The following CENPW variants were observed in gnomAD, a reference collection of about 807,000 sequenced individuals.
CENPW encodes centromere protein W, also known as cancer-up-regulated gene 2 protein.
Under a neutral mutation model 11.1 loss-of-function variants are expected in CENPW, and 3 were observed. The ratio of observed to expected loss-of-function variants is 0.27; its 90% CI spans 0.12 to 0.70. The LOEUF (loss-of-function observed/expected upper bound fraction) is 0.70. CENPW is among the 30% of genes least tolerant of loss of function. The probability of loss-of-function intolerance (pLI) is 0.77; values close to 1 mark genes in which losing one functional copy is unlikely to be tolerated. For synonymous variants in CENPW, 38 were observed against 42.0 expected, an observed-to-expected ratio of 0.91 and a Z score of 0.37; for missense variants, 100 against 105.6, an observed-to-expected ratio of 0.95 and a Z score of 0.23.
chr6:126,361,006 A>G, the CENPW span, among the ~76,000 whole-genome samples: 1 of 152,214 alleles, frequency 6.6e-6, no homozygotes. Context: ...TTGAATTGCC[A>G]GAATTCTTGC....
chr6:126,422,095 T>C, the CENPW span, among the ~76,000 whole-genome samples: 1 of 152,260 alleles, frequency 6.6e-6, no homozygotes, highest in South Asian at 2.1e-4. Context: ...TAAGAAGGAC[T>C]GTATATGTGT....
chr6:126,424,051 T>C, the CENPW span, among the ~76,000 whole-genome samples: 1 of 152,096 alleles, frequency 6.6e-6, no homozygotes, highest in African/African-American at 2.4e-5. Context: ...GAAAAAAATT[T>C]GTATTAAAAA....
chr6:126,343,687 C>T (rs774966795), intron 1 of CENPW, among the ~76,000 whole-genome samples: 5 of 152,204 alleles, frequency 3.3e-5, no homozygotes, highest in Non-Finnish European at 5.9e-5. Context: ...AGGCAGGAAG[C>T]ATCCAGCACG....
the CENPW span, among the ~76,000 whole-genome samples, chr6:126,456,178 G>A: frequency 6.6e-6 from 1 of 150,932 alleles, no homozygotes; most frequent in African/African-American, 2.4e-5. Context: ...ACTATGAATG[G>A]GATTCTTCAC....
the CENPW span, among the ~76,000 whole-genome samples, chr6:126,415,369 T>C: frequency 6.6e-6 from 1 of 152,160 alleles, no homozygotes; most frequent in Non-Finnish European, 1.5e-5. Flanking sequence ...ATTGTTACAA[T>C]GAATCTTTGT....
chr6:126,381,926 G>A, the CENPW span, among the ~76,000 whole-genome samples: 1 of 151,998 alleles, frequency 6.6e-6, no homozygotes, highest in South Asian at 2.1e-4. Context: ...GAAGCCAGTC[G>A]ACTGAACCCA....
At chr6:126,408,335 G>A in the CENPW span, among the ~76,000 whole-genome samples, 1 of 152,136 alleles carries the variant, frequency 6.6e-6, no homozygotes, top group South Asian at 2.1e-4. Context: ...GGAAGATGTA[G>A]GAGGAGCAAA....
chr6:126,423,768 T>G, the CENPW span, among the ~76,000 whole-genome samples: 1 of 152,066 alleles, frequency 6.6e-6, no homozygotes, highest in South Asian at 2.1e-4. Flanking sequence ...CCTGAAGAAA[T>G]ATGTATTTTA....
At chr6:126,407,336 G>A in the CENPW span, among the ~76,000 whole-genome samples, 18 of 151,992 alleles carry the variant, frequency 1.2e-4, no homozygotes, top group Admixed American at 6.6e-4. Flanking sequence ...GTCTATTTTC[G>A]ATGGGCATTT....
chr6:126,369,142 T>A, the CENPW span, among the ~76,000 whole-genome samples: 3 of 152,040 alleles, frequency 2.0e-5, no homozygotes, highest in Non-Finnish European at 2.9e-5. Flanking sequence ...TAGTATTCCA[T>A]GGTGTGTGTA....
the CENPW span, among the ~76,000 whole-genome samples, chr6:126,378,713 T>C: frequency 6.6e-5 from 10 of 152,308 alleles, no homozygotes; most frequent in East Asian, 1.9e-3. Flanking sequence ...ATGAAAGCTG[T>C]GTGCATACAA....
Position 126,348,568 on chromosome 6 carries a change from C to T in CENPW, c.*76C>T, listed in dbSNP as rs985221440. The T allele has an allele frequency of 5.1e-5, 44 of 864,824 alleles. No individual in the cohort carries two copies. In the African/African-American group the frequency reaches 7.3e-4, roughly 14 times the overall value. 53.6% of individuals were successfully genotyped at this position (864,824 alleles called of 1,614,324 possible). ...ACAGATCATAAAGACATTTTTTACA[C>T]ATCAGTTAATATGGGATTATTAAAT... On this transcript the variant is annotated 3_prime_UTR_variant, in exon 3 of 3. Coordinates refer to ENST00000368328, the MANE Select transcript of CENPW (RefSeq NM_001012507.4).
At chr6:126,359,497 ATCTG>A in the CENPW span, among the ~76,000 whole-genome samples, 2 of 152,126 alleles carry the variant, frequency 1.3e-5, no homozygotes, top group South Asian at 4.2e-4. Flanking sequence ...TGCTCCAGTG[ATCTG>A]TCTAATGCTG....
At chr6:126,475,683 A>G in the CENPW span, among the ~76,000 whole-genome samples, 15 of 152,054 alleles carry the variant, frequency 9.9e-5, no homozygotes. Flanking sequence ...CCTCATTTGT[A>G]AATGTGGATG....
At chr6:126,417,262 CTGTACCACCAT>C in the CENPW span, among the ~76,000 whole-genome samples, 1 of 152,200 alleles carries the variant, frequency 6.6e-6, no homozygotes, top group East Asian at 1.9e-4. Flanking sequence ...TATTTAATGC[CTGTACCACCAT>C]TGTATCTAGG....
the CENPW span, among the ~76,000 whole-genome samples, chr6:126,447,122 A>C: frequency 6.6e-6 from 1 of 151,156 alleles, no homozygotes; most frequent in Admixed American, 6.6e-5. Context: ...TTTTGTGTGC[A>C]TAGATATTTT....
At chr6:126,385,469 G>C in the CENPW span, among the ~76,000 whole-genome samples, 2 of 151,994 alleles carry the variant, frequency 1.3e-5, no homozygotes, top group Non-Finnish European at 2.9e-5. Flanking sequence ...CTATTACTTT[G>C]GTTGATGCAA....
At chr6:126,410,706 G>A in the CENPW span, among the ~76,000 whole-genome samples, 2 of 151,266 alleles carry the variant, frequency 1.3e-5, no homozygotes, top group Admixed American at 1.3e-4. Context: ...TTTTTTCCCT[G>A]TGAGTAATTT....
chr6:126,344,393 A>G (rs1780369239), intron 1 of CENPW, among the ~76,000 whole-genome samples: 1 of 152,180 alleles, frequency 6.6e-6, no homozygotes, highest in South Asian at 2.1e-4. Context: ...AGCTTAGAAC[A>G]GTGAGAGGTG....
Sources: gnomAD v4.1 joint callset for allele counts (sites outside exome capture counted in the v4.1 genomes callset) on GRCh38, gnomAD v4.1.1 for gene constraint, MANE v1.5 for transcripts, NCBI Gene and HGNC (gene_info 2026-07-23, HGNC 2026-07-21) for gene names.